MUSK: variants seen among roughly 807,000 people sequenced by gnomAD.
The protein encoded by MUSK is muscle, skeletal receptor tyrosine-protein kinase.
In MUSK, 55 loss-of-function variants were observed where a neutral mutation model predicts 88.7. The ratio of observed to expected loss-of-function variants is 0.62; its 90% CI spans 0.50 to 0.78. The LOEUF (loss-of-function observed/expected upper bound fraction) is 0.78. Ranked by LOEUF, MUSK falls within the 30% of genes least tolerant of loss-of-function variation. The pLI is 0.00. For missense variants in MUSK, 1,015 were observed against 1,074.3 expected, an observed-to-expected ratio of 0.94 and a Z score of 0.77; for synonymous variants, 387 against 391.9, an observed-to-expected ratio of 0.99 and a Z score of 0.15.
intron 8 of MUSK, among the ~76,000 whole-genome samples, chr9:110,763,009 T>C (rs750058351): frequency 6.6e-6 from 1 of 152,188 alleles, no homozygotes; most frequent in Non-Finnish European, 1.5e-5. Flanking sequence ...TGTGAGGTAA[T>C]GCATTTGTTA....
Position 110,686,654 on chromosome 9 carries a change from T to A in MUSK, c.207-463T>A, listed in dbSNP as rs73657639. On this transcript the variant is annotated intron_variant, in intron 2 of 14. Transcript: ENST00000374448. ...AAGTGTGCCTGGCACTTGTTAGCAA[T>A]CAGTAAGTAATTGTTTAATGAAAGA... Among the ~76,000 whole-genome samples, 276 of 152,306 alleles carry A rather than the reference T, an allele frequency of 1.8e-3. 1 individual carries two copies. The highest frequency in any genetic ancestry group is 6.3e-3 in the African/African-American group (263 of 41,574).
At chr9:110,798,767 A>G (rs2078050296) in intron 14 of MUSK, among the ~76,000 whole-genome samples, 1 of 152,192 alleles carries the variant, frequency 6.6e-6, no homozygotes, top group African/African-American at 2.4e-5. Context: ...ACAATATAGA[A>G]AACATTTTGA....
chr9:110,714,563 T>G (rs1295177249), intron 5 of MUSK, among the ~76,000 whole-genome samples: 1 of 152,162 alleles, frequency 6.6e-6, no homozygotes, highest in Non-Finnish European at 1.5e-5. Context: ...GACAGAAACG[T>G]AAACAGTGGC....
At chr9:110,713,823 A>G (rs1446652320) in intron 5 of MUSK, among the ~76,000 whole-genome samples, 1 of 152,182 alleles carries the variant, frequency 6.6e-6, no homozygotes, top group Non-Finnish European at 1.5e-5. Context: ...CAGCTCGTTT[A>G]ACGCATGTCA....
At chr9:110,751,975 T>G (rs2077254054) in intron 7 of MUSK, among the ~76,000 whole-genome samples, 1 of 152,142 alleles carries the variant, frequency 6.6e-6, no homozygotes, top group Non-Finnish European at 1.5e-5. Flanking sequence ...GCCTATTAAT[T>G]AAAAAATTGC....
chr9:110,780,759 A>G (rs570820391), intron 11 of MUSK, among the ~76,000 whole-genome samples: 3 of 152,226 alleles, frequency 2.0e-5, no homozygotes, highest in African/African-American at 7.2e-5. Context: ...CTTTCTATCT[A>G]GGCAGAAACT....
intron 14 of MUSK, among the ~76,000 whole-genome samples, chr9:110,788,658 T>C (rs1189677027): frequency 6.6e-6 from 1 of 151,426 alleles, no homozygotes; most frequent in African/African-American, 2.4e-5. Context: ...AAAAAATCTG[T>C]GCTCTCATAG....
At chr9:110,773,036 A>T (rs933042449) in intron 9 of MUSK, among the ~76,000 whole-genome samples, 1 of 151,826 alleles carries the variant, frequency 6.6e-6, no homozygotes, top group East Asian at 1.9e-4. Context: ...TTTTGCCCCA[A>T]CCTAACATAA....
intron 5 of MUSK, among the ~76,000 whole-genome samples, chr9:110,699,542 T>C (rs1038755761): frequency 6.6e-6 from 1 of 152,130 alleles, no homozygotes; most frequent in Admixed American, 6.6e-5. Context: ...CTTGAATAAA[T>C]AGTTGAGGTA....
chr9:110,705,017 TG>T (rs1325345697), intron 5 of MUSK, among the ~76,000 whole-genome samples: 26 of 151,126 alleles, frequency 1.7e-4, no homozygotes, highest in Admixed American at 1.1e-3. Flanking sequence ...GAAAATTATA[TG>T]GGGGGTAACT....
chr9:110,706,456 T>C (rs7036873), intron 5 of MUSK, among the ~76,000 whole-genome samples: 58,873 of 151,874 alleles, frequency 0.39, 11,882 homozygotes, highest in Non-Finnish European at 0.44. Context: ...CATTCTACTT[T>C]AGGTATGGTG....
rs1344203949 is a variant in MUSK at position 110,802,561 on chromosome 9, CATTTCTTATTCA to C, written c.*1574_*1585del. Among the ~76,000 whole-genome samples the C allele has an allele frequency of 6.6e-6, 1 of 152,162 alleles. No homozygotes were observed. The highest frequency in any genetic ancestry group is 1.5e-5 in the Non-Finnish European group (1 of 68,026). The stretch of plus-strand genomic sequence containing the variant: ...TTGACATCTTTGGTGGGAAACCTGC[CATTTCTTATTCA>C]TAGTGTCTCCAGGCAACCAAGACAA... On this transcript the variant is annotated 3_prime_UTR_variant, in exon 15 of 15. Coordinates refer to ENST00000374448, the MANE Select transcript of MUSK (RefSeq NM_005592.4).
chr9:110,728,418 G>A (rs572155176), intron 5 of MUSK: 41 of 424,406 alleles, frequency 9.7e-5, no homozygotes, highest in African/African-American at 6.2e-4. Context: ...GAGCTACATT[G>A]TTAGGTATGC....
intron 5 of MUSK, among the ~76,000 whole-genome samples, chr9:110,724,310 C>T (rs2076855601): frequency 6.6e-6 from 1 of 151,900 alleles, no homozygotes; most frequent in Admixed American, 6.6e-5. Flanking sequence ...TCCTAATGTG[C>T]TTTGAAATTA....
intron 6 of MUSK, among the ~76,000 whole-genome samples, chr9:110,747,206 A>C (rs1045641931): frequency 2.0e-5 from 3 of 152,200 alleles, no homozygotes; most frequent in Non-Finnish European, 4.4e-5. Context: ...AAAAGGTGGT[A>C]GTTGGTTCAG....
chr9:110,712,484 G>A (rs2076684677), intron 5 of MUSK, among the ~76,000 whole-genome samples: 1 of 152,130 alleles, frequency 6.6e-6, no homozygotes, highest in African/African-American at 2.4e-5. Context: ...CCTCCAAGTG[G>A]TTCTCAAATG....
intron 3 of MUSK, 144 bp downstream of exon 3, chr9:110,687,412 GCAACCTC>G: frequency 1.1e-6 from 1 of 895,938 alleles, no homozygotes; most frequent in Non-Finnish European, 1.7e-6. Context: ...TCGGTTCACT[GCAACCTC>G]CACCTCCTGG....
chr9:110,789,794 G>A (rs996906534), intron 14 of MUSK, among the ~76,000 whole-genome samples: 4 of 152,060 alleles, frequency 2.6e-5, no homozygotes, highest in Non-Finnish European at 2.9e-5. Context: ...AAAAAAAGAC[G>A]TGTTTTTTGG....
chr9:110,781,547 A>G (rs962144766), intron 11 of MUSK, among the ~76,000 whole-genome samples: 4 of 152,130 alleles, frequency 2.6e-5, no homozygotes, highest in African/African-American at 9.7e-5. Flanking sequence ...AAGTGCTGGG[A>G]TTACAGGCGT....
Sources: gnomAD v4.1 joint callset for allele counts (sites outside exome capture counted in the v4.1 genomes callset) on GRCh38, gnomAD v4.1.1 for gene constraint, MANE v1.5 for transcripts, NCBI Gene and HGNC (gene_info 2026-07-23, HGNC 2026-07-21) for gene names.